The following RTKN2 variants were observed in gnomAD, a reference collection of about 807,000 sequenced individuals.
RTKN2 encodes the protein rhotekin 2, also known as rhotekin-2.
A neutral mutation model predicts 71.5 loss-of-function variants in RTKN2; 69 were observed. The observed-to-expected ratio is 0.96, with a 90% CI of 0.79 to 1.18. The LOEUF (loss-of-function observed/expected upper bound fraction) is 1.18, where lower values mean the gene tolerates loss of function less well. RTKN2 is among the 50% of genes most tolerant of loss of function. The pLI is 0.00. For synonymous variants in RTKN2, 236 were observed against 236.5 expected, an observed-to-expected ratio of 1.00 and a Z score of 0.02; for missense variants, 724 against 719.7, an observed-to-expected ratio of 1.01 and a Z score of -0.07.
intron 6 of RTKN2, among the ~76,000 whole-genome samples, chr10:62,232,048 TA>T (rs1842159966): frequency 6.6e-6 from 1 of 152,164 alleles, no homozygotes; most frequent in Non-Finnish European, 1.5e-5. Context: ...TGAAATGTTG[TA>T]AAAGGTTTTA....
At chr10:62,202,015 T>C (rs1307910956) in intron 10 of RTKN2, among the ~76,000 whole-genome samples, 1 of 152,240 alleles carries the variant, frequency 6.6e-6, no homozygotes. Flanking sequence ...TTTTTTATGC[T>C]AAGCTCCTAA....
At chr10:62,254,034 G>T (rs887879635) in intron 2 of RTKN2, among the ~76,000 whole-genome samples, 1 of 152,058 alleles carries the variant, frequency 6.6e-6, no homozygotes, top group Non-Finnish European at 1.5e-5. Flanking sequence ...GGAGGACACA[G>T]AAACACTATC....
At chr10:62,253,874 T>C (rs1842625601) in intron 2 of RTKN2, among the ~76,000 whole-genome samples, 1 of 152,068 alleles carries the variant, frequency 6.6e-6, no homozygotes, top group South Asian at 2.1e-4. Flanking sequence ...AAAAGCATTA[T>C]GCTGAAAGAA....
At chr10:62,212,111 A>ATATAT (rs142344986) in intron 9 of RTKN2, among the ~76,000 whole-genome samples, 5 of 127,666 alleles carry the variant, frequency 3.9e-5, no homozygotes, top group Non-Finnish European at 7.8e-5. Context: ...ACTTAAAAAA[A>ATATAT]AAATATATAT....
intron 7 of RTKN2, 67 bp from the exon 8 acceptor site, chr10:62,218,368 A>G: frequency 9.5e-7 from 1 of 1,053,518 alleles, no homozygotes; most frequent in African/African-American, 1.6e-5. Flanking sequence ...GTCATCATAC[A>G]TTTTGATTTT....
intron 9 of RTKN2, among the ~76,000 whole-genome samples, chr10:62,215,853 A>C (rs1420631877): frequency 2.6e-5 from 4 of 152,008 alleles, no homozygotes; most frequent in Non-Finnish European, 5.9e-5. Context: ...ACAAAATAAA[A>C]AGTTGGCAAG....
downstream of RTKN2, among the ~76,000 whole-genome samples, chr10:62,188,715 A>G (rs927155107): frequency 2.6e-5 from 4 of 151,354 alleles, no homozygotes; most frequent in African/African-American, 9.7e-5. Flanking sequence ...TTTCATTCCC[A>G]CTATATTTTC....
At chr10:62,242,250 T>C (rs1842391887) in intron 3 of RTKN2, among the ~76,000 whole-genome samples, 1 of 152,134 alleles carries the variant, frequency 6.6e-6, no homozygotes, top group Admixed American at 6.5e-5. Flanking sequence ...CTAATTTCTT[T>C]ATATAAATTT....
chr10:62,255,238 C>A (rs1473708710), intron 2 of RTKN2, among the ~76,000 whole-genome samples: 1 of 151,998 alleles, frequency 6.6e-6, no homozygotes, highest in Non-Finnish European at 1.5e-5. Context: ...ATGATTTTTT[C>A]ATCTCTTTCA....
At chr10:62,266,671 G>A (rs1236121899) in intron 1 of RTKN2, among the ~76,000 whole-genome samples, 1 of 152,146 alleles carries the variant, frequency 6.6e-6, no homozygotes, top group Non-Finnish European at 1.5e-5. Context: ...AGAAAAGTAG[G>A]GGACTGCCCT....
At chr10:62,215,633 A>G (rs1330742933) in intron 9 of RTKN2, among the ~76,000 whole-genome samples, 1 of 152,070 alleles carries the variant, frequency 6.6e-6, no homozygotes, top group African/African-American at 2.4e-5. Context: ...CAGAGAAGAA[A>G]TGTTACGTTG....
chr10:62,261,053 A>G (rs1842763430), intron 2 of RTKN2, among the ~76,000 whole-genome samples: 2 of 152,208 alleles, frequency 1.3e-5, no homozygotes, highest in Non-Finnish European at 2.9e-5. Flanking sequence ...AAGACATGCC[A>G]TATTTATTCT....
rs1276717534 is a variant in RTKN2 at position 62,195,744 on chromosome 10, G to A, written c.*2164C>T. On this transcript the variant is annotated 3_prime_UTR_variant, in exon 12 of 12. Transcript: ENST00000373789. ...AGCATTTCAGGAGCTGAAGACACCAGACCCATTTCAAAGACTTGTAACATA... is the reference window on the plus strand; with the variant it reads ...AGCATTTCAGGAGCTGAAGACACCAAACCCATTTCAAAGACTTGTAACATA... The A allele has an allele frequency of 1.0e-6, 1 of 985,154 alleles. No individual in the cohort carries two copies. Among genetic ancestry groups the A allele is most frequent in the Non-Finnish European group, 1.2e-6 (1 of 829,866 alleles). The allele number at this position is 985,154 out of a possible 1,614,324, so 61.0% of individuals were successfully genotyped here.
chr10:62,221,252 GT>G (rs1473686980), intron 7 of RTKN2, among the ~76,000 whole-genome samples: 1 of 151,878 alleles, frequency 6.6e-6, no homozygotes, highest in Non-Finnish European at 1.5e-5. Flanking sequence ...TTTAAGTTTA[GT>G]TTTTAATAAG....
chr10:62,258,273 C>A (rs1289412346), intron 2 of RTKN2, among the ~76,000 whole-genome samples: 4 of 152,174 alleles, frequency 2.6e-5, no homozygotes, highest in Non-Finnish European at 5.9e-5. Context: ...GGACTTAATT[C>A]TTTCCTGGAA....
At chr10:62,255,508 G>C (rs762527024) in intron 2 of RTKN2, among the ~76,000 whole-genome samples, 90 of 152,182 alleles carry the variant, frequency 5.9e-4, no homozygotes, top group Non-Finnish European at 1.1e-3. Context: ...AGAGACTAAA[G>C]AGAGGATTGT....
chr10:62,236,415 A>G, intron 5 of RTKN2, 152 bp from the exon 6 acceptor site: 1 of 610,132 alleles, frequency 1.6e-6, no homozygotes, highest in Non-Finnish European at 2.9e-6. Context: ...TCACACCCAT[A>G]AGGATGGCTA....
intron 9 of RTKN2, among the ~76,000 whole-genome samples, chr10:62,210,997 C>A (rs1483419116): frequency 1.3e-5 from 2 of 152,048 alleles, no homozygotes; most frequent in African/African-American, 4.8e-5. Flanking sequence ...TATCCAAAGT[C>A]TACTACACTA....
At position 62,268,820 on chromosome 10, in the gene RTKN2, A is replaced by AC. The variant is rs1842919394; in HGVS notation, c.-211dup. On this transcript the variant is annotated 5_prime_UTR_variant, in exon 1 of 12. Transcript: ENST00000373789. ...GCTCCCGCCGCCGGAAGTTGCCGAGACCCCAGGCTCTAGCGCGGCGGGGCG... is the reference window on the plus strand; with the variant it reads ...GCTCCCGCCGCCGGAAGTTGCCGAGACCCCCAGGCTCTAGCGCGGCGGGGCG... 3.7e-6 allele frequency: 2 copies of AC among 537,432 alleles called. No homozygotes were observed. The highest frequency in any genetic ancestry group is 2.1e-5 in the African/African-American group (1 of 48,778). The allele number at this position is 537,432 out of a possible 1,614,324, so 33.3% of individuals were successfully genotyped here. A position where few individuals can be genotyped will look rare whatever the true frequency, so the allele number is the denominator to read the frequency against.
Sources: allele counts gnomAD v4.1 joint callset (sites outside exome capture counted in the v4.1 genomes callset), GRCh38; gene constraint gnomAD v4.1.1; transcripts MANE v1.5; gene names NCBI Gene and HGNC (gene_info 2026-07-23, HGNC 2026-07-21).